Variants in RAP1A observed in about 807,000 individuals in gnomAD.
RAP1A encodes ras-related protein Rap-1A.
In RAP1A, 6 loss-of-function variants were observed where a neutral mutation model predicts 26.4. That is an observed-to-expected ratio of 0.23 (90% CI 0.12 to 0.45). The LOEUF (loss-of-function observed/expected upper bound fraction) is 0.45, where lower values mean the gene tolerates loss of function less well. Among genes scored for constraint, RAP1A ranks in the 20% least tolerant of loss-of-function variants. RAP1A has a pLI of 0.99. For synonymous variants in RAP1A, 73 were observed against 79.4 expected (o/e 0.92, Z 0.43); for missense variants, 121 against 217.2 (o/e 0.56, Z 2.78).
chr1:111,695,324 CTT>C lies in RAP1A; in HGVS notation c.58-9_58-8del. 5 of 1,465,794 alleles carry C rather than the reference CTT, an allele frequency of 3.4e-6. No homozygotes were observed. The highest frequency in any genetic ancestry group is 2.3e-5 in the Admixed American group (1 of 42,890). 90.8% of individuals were successfully genotyped at this position (1,465,794 alleles called of 1,614,324 possible). ...TTTCCTTTAATTTTTTAATATTTCT[CTT>C]TTTTTTTCCCCCAGACAGTTCAGTT... On this transcript the variant is annotated splice_polypyrimidine_tract_variant and intron_variant, in intron 2 of 7. Coordinates refer to ENST00000369709, the MANE Select transcript of RAP1A (RefSeq NM_002884.4).
At chr1:111,602,398 TTGTA>T (rs1658690817) in intron 1 of RAP1A, 1 of 152,244 alleles carries the variant, frequency 6.6e-6, no homozygotes, top group Non-Finnish European at 1.5e-5. Context: ...TAGTAGGGGC[TTGTA>T]ATGGAGGATT....
intron 1 of RAP1A, among the ~76,000 whole-genome samples, chr1:111,597,987 TCA>T (rs1390622133): frequency 1.3e-5 from 2 of 152,226 alleles, no homozygotes; most frequent in Admixed American, 1.3e-4. Flanking sequence ...ACTGTGAGCC[TCA>T]GTTAGGTGCC....
intron 1 of RAP1A, among the ~76,000 whole-genome samples, chr1:111,683,537 A>G (rs1452585266): frequency 6.6e-6 from 1 of 152,236 alleles, no homozygotes; most frequent in East Asian, 1.9e-4. Flanking sequence ...AAACACCTCT[A>G]TGCAAATAAA....
chr1:111,634,802 G>A (rs532251454), intron 1 of RAP1A, among the ~76,000 whole-genome samples: 157 of 151,762 alleles, frequency 1.0e-3, no homozygotes, highest in Middle Eastern at 0.01. Flanking sequence ...GCACCGCCAC[G>A]CCCAGCTAAT....
intron 1 of RAP1A, among the ~76,000 whole-genome samples, chr1:111,592,910 A>G (rs1658495092): frequency 6.6e-6 from 1 of 152,170 alleles, no homozygotes; most frequent in East Asian, 1.9e-4. Context: ...TGAACCCAAA[A>G]TACCTAAGTA....
chr1:111,656,287 A>G (rs948370767), intron 1 of RAP1A, among the ~76,000 whole-genome samples: 1 of 152,164 alleles, frequency 6.6e-6, no homozygotes, highest in African/African-American at 2.4e-5. Context: ...CTTAACCTCT[A>G]ATGTCAAGCA....
chr1:111,652,233 C>G (rs1201851871), intron 1 of RAP1A, among the ~76,000 whole-genome samples: 1 of 152,226 alleles, frequency 6.6e-6, no homozygotes, highest in Non-Finnish European at 1.5e-5. Context: ...CTTAGCCTCG[C>G]AAAGTGCTGG....
At chr1:111,625,331 T>G (rs1015354156) in intron 1 of RAP1A, among the ~76,000 whole-genome samples, 1 of 152,170 alleles carries the variant, frequency 6.6e-6, no homozygotes, top group Non-Finnish European at 1.5e-5. Context: ...TTCTTTTTTT[T>G]TTGTTTTGTT....
At chr1:111,647,836 G>A (rs2101129392) in intron 1 of RAP1A, among the ~76,000 whole-genome samples, 1 of 152,054 alleles carries the variant, frequency 6.6e-6, no homozygotes, top group Middle Eastern at 3.4e-3. Flanking sequence ...TGCCTGGCCA[G>A]GGATCCAGAT....
chr1:111,612,194 G>T (rs535037688), intron 1 of RAP1A, among the ~76,000 whole-genome samples: 1 of 152,182 alleles, frequency 6.6e-6, no homozygotes, highest in Non-Finnish European at 1.5e-5. Flanking sequence ...CTTACTGTTG[G>T]CACATTCTGG....
chr1:111,690,017 A>C (rs1661620424), intron 1 of RAP1A, among the ~76,000 whole-genome samples: 1 of 151,900 alleles, frequency 6.6e-6, no homozygotes, highest in African/African-American at 2.4e-5. Context: ...TTAATTTTTT[A>C]TTGGATGCTG....
chr1:111,579,747 T>C (rs1229059313), intron 1 of RAP1A, among the ~76,000 whole-genome samples: 4 of 152,202 alleles, frequency 2.6e-5, no homozygotes, highest in African/African-American at 9.7e-5. Context: ...AGTAAAATCA[T>C]CTAACACAAA....
exon 1 of RAP1A, chr1:111,542,480 G>C (rs532724141): frequency 1.2e-4 from 23 of 186,560 alleles, no homozygotes; most frequent in Non-Finnish European, 2.1e-4. Context: ...TTGGAGGAGA[G>C]AAATGAAATT....
intron 5 of RAP1A, among the ~76,000 whole-genome samples, chr1:111,703,984 G>A (rs1244572631): frequency 6.6e-6 from 1 of 152,062 alleles, no homozygotes. Flanking sequence ...GAATTTTTTA[G>A]TAGAGACCAG....
intron 1 of RAP1A, among the ~76,000 whole-genome samples, chr1:111,639,092 G>GACAT (rs112010349): frequency 6.6e-6 from 1 of 151,908 alleles, no homozygotes; most frequent in African/African-American, 2.4e-5. Context: ...AAGTATTTTG[G>GACAT]ACTCTTTCTG....
chr1:111,593,652 C>CTTT lies in RAP1A; in HGVS notation c.-28+51168_-28+51170dup, dbSNP rs994763442. ...CTGGCAGCTTAAGTTATGACTCCTA[C>CTTT]TTTTTTTTTTTTTTTTTTTTTTTTT... On this transcript the variant is annotated intron_variant, in intron 1 of 7. Coordinates refer to the RAP1A transcript ENST00000356415. Among the ~76,000 whole-genome samples the CTTT allele has an allele frequency of 7.7e-3, 501 of 65,396 alleles. 58 individuals are homozygous for CTTT. Among genetic ancestry groups the CTTT allele is most frequent in the African/African-American group, 0.027 (435 of 16,136 alleles). The allele number at this position is 65,396 out of a possible 152,430, so 42.9% of individuals were successfully genotyped here. A position where few individuals can be genotyped will look rare whatever the true frequency, so the allele number is the denominator to read the frequency against.
At chr1:111,680,238 A>G (rs372370718) in intron 1 of RAP1A, among the ~76,000 whole-genome samples, 1 of 152,220 alleles carries the variant, frequency 6.6e-6, no homozygotes. Context: ...AGCAGCAGCA[A>G]GATTTATTAT....
intron 1 of RAP1A, among the ~76,000 whole-genome samples, chr1:111,624,528 A>C (rs977329428): frequency 6.6e-6 from 1 of 152,204 alleles, no homozygotes; most frequent in Admixed American, 6.5e-5. Context: ...TTCAAAGTTA[A>C]ATGATCCAGA....
chr1:111,599,119 G>C (rs1658617930), intron 1 of RAP1A, among the ~76,000 whole-genome samples: 1 of 152,144 alleles, frequency 6.6e-6, no homozygotes, highest in Non-Finnish European at 1.5e-5. Context: ...CTATCCAGAG[G>C]CTCCCTGAAC....
Sources: allele counts gnomAD v4.1 joint callset (sites outside exome capture counted in the v4.1 genomes callset), GRCh38; gene constraint gnomAD v4.1.1; transcripts MANE v1.5; gene names NCBI Gene and HGNC (gene_info 2026-07-23, HGNC 2026-07-21).